The following PABPC4L variants were observed in gnomAD, a reference collection of about 807,000 sequenced individuals.
PABPC4L encodes poly(A) binding protein cytoplasmic 4 like.
For synonymous variants in PABPC4L, 169 were observed against 164.1 expected, an observed-to-expected ratio of 1.03 and a Z score of -0.23; for missense variants, 452 against 451.4, an observed-to-expected ratio of 1.00 and a Z score of -0.01.
the PABPC4L span, among the ~76,000 whole-genome samples, chr4:134,191,107 G>A: frequency 6.6e-6 from 1 of 152,146 alleles, no homozygotes; most frequent in Non-Finnish European, 1.5e-5. Context: ...CTCTTGAAAT[G>A]TATTGTGGCT....
chr4:134,085,526 A>T, the PABPC4L span, among the ~76,000 whole-genome samples: 2 of 152,132 alleles, frequency 1.3e-5, no homozygotes, highest in African/African-American at 4.8e-5. Flanking sequence ...CTATATAAAA[A>T]ATAACAAAAT....
the PABPC4L span, among the ~76,000 whole-genome samples, chr4:134,097,616 C>T: frequency 6.6e-6 from 1 of 151,776 alleles, no homozygotes; most frequent in African/African-American, 2.4e-5. Flanking sequence ...TAGGTCACAA[C>T]AACATTTTGT....
chr4:133,955,901 TGTTTTC>T, the PABPC4L span, among the ~76,000 whole-genome samples: 2 of 152,206 alleles, frequency 1.3e-5, no homozygotes, highest in Non-Finnish European at 2.9e-5. Flanking sequence ...GTTGTCTCTA[TGTTTTC>T]ATTTAACCCC....
chr4:133,953,427 A>G, the PABPC4L span, among the ~76,000 whole-genome samples: 1 of 152,172 alleles, frequency 6.6e-6, no homozygotes, highest in Admixed American at 6.6e-5. Context: ...TCCGTCTATC[A>G]ATCTTTTGTA....
chr4:134,138,317 A>G, the PABPC4L span, among the ~76,000 whole-genome samples: 4 of 151,844 alleles, frequency 2.6e-5, no homozygotes, highest in Non-Finnish European at 5.9e-5. Flanking sequence ...GAAGAAAAAT[A>G]AAATGAAAGG....
the PABPC4L span, among the ~76,000 whole-genome samples, chr4:133,987,983 G>C: frequency 3.3e-5 from 5 of 152,156 alleles, no homozygotes; most frequent in African/African-American, 4.8e-5. Context: ...GCAGCAAGAA[G>C]TGCAGAGTGA....
At chr4:134,169,428 C>T in the PABPC4L span, among the ~76,000 whole-genome samples, 1 of 151,948 alleles carries the variant, frequency 6.6e-6, no homozygotes, top group Non-Finnish European at 1.5e-5. Flanking sequence ...CAAAAGAGTA[C>T]TATAATTCCT....
chr4:134,179,269 T>A, the PABPC4L span, among the ~76,000 whole-genome samples: 70 of 151,826 alleles, frequency 4.6e-4, no homozygotes, highest in Non-Finnish European at 6.5e-4. Context: ...GAAAAAAAAA[T>A]TTCAACCAAG....
chr4:134,117,251 A>G, the PABPC4L span, among the ~76,000 whole-genome samples: 1 of 151,786 alleles, frequency 6.6e-6, no homozygotes, highest in African/African-American at 2.4e-5. Context: ...CCATGGAGGA[A>G]GTAATTCCTA....
the PABPC4L span, among the ~76,000 whole-genome samples, chr4:134,120,660 A>G: frequency 4.9e-4 from 74 of 151,474 alleles, no homozygotes; most frequent in African/African-American, 1.7e-3. Context: ...ATGCTATTAC[A>G]TAATCTTTTG....
the PABPC4L span, among the ~76,000 whole-genome samples, chr4:134,039,399 ATCTG>A: frequency 6.6e-6 from 1 of 152,122 alleles, no homozygotes; most frequent in Non-Finnish European, 1.5e-5. Flanking sequence ...TGTTTCATTG[ATCTG>A]TCTAATATTG....
At chr4:134,088,523 CA>C in the PABPC4L span, among the ~76,000 whole-genome samples, 1 of 151,916 alleles carries the variant, frequency 6.6e-6, no homozygotes, top group Non-Finnish European at 1.5e-5. Flanking sequence ...ACTTAATTAC[CA>C]ATGTGAAAGT....
the PABPC4L span, among the ~76,000 whole-genome samples, chr4:133,960,237 A>T: frequency 1.3e-5 from 2 of 152,154 alleles, no homozygotes; most frequent in Non-Finnish European, 2.9e-5. Flanking sequence ...GACACCCTAA[A>T]TACTGTGAGT....
the PABPC4L span, among the ~76,000 whole-genome samples, chr4:134,032,292 T>G: frequency 3.7e-4 from 57 of 152,016 alleles, no homozygotes; most frequent in African/African-American, 1.3e-3. Flanking sequence ...TTAATTTAGT[T>G]ATAGTATACA....
chr4:134,186,832 A>C, the PABPC4L span, among the ~76,000 whole-genome samples: 4 of 152,182 alleles, frequency 2.6e-5, no homozygotes, highest in Non-Finnish European at 4.4e-5. Context: ...CAAAGAACTT[A>C]AACAAATTTA....
chr4:134,084,585 A>T, the PABPC4L span, among the ~76,000 whole-genome samples: 2 of 152,264 alleles, frequency 1.3e-5, no homozygotes, highest in South Asian at 2.1e-4. Flanking sequence ...TGGATCTACT[A>T]AAATATGTTC....
the PABPC4L span, among the ~76,000 whole-genome samples, chr4:134,082,939 T>C: frequency 5.3e-5 from 8 of 152,236 alleles, no homozygotes; most frequent in African/African-American, 1.7e-4. Flanking sequence ...ACTTCGGAAA[T>C]AACTTTGGAA....
chr4:133,957,626 T>C, the PABPC4L span, among the ~76,000 whole-genome samples: 1 of 152,216 alleles, frequency 6.6e-6, no homozygotes, highest in Non-Finnish European at 1.5e-5. Context: ...ACATTCTCTT[T>C]CTGCACTGCC....
downstream of PABPC4L, among the ~76,000 whole-genome samples, chr4:134,194,414 A>G (rs1234340261): frequency 6.6e-6 from 1 of 151,666 alleles, no homozygotes; most frequent in Non-Finnish European, 1.5e-5. Context: ...TCCTTGAAAA[A>G]CAACCTCTAC....
Sources: gnomAD v4.1 joint callset for allele counts (sites outside exome capture counted in the v4.1 genomes callset) on GRCh38, gnomAD v4.1.1 for gene constraint, MANE v1.5 for transcripts, NCBI Gene and HGNC (gene_info 2026-07-23, HGNC 2026-07-21) for gene names.